Variants in LEKR1 observed in about 807,000 individuals in gnomAD.
LEKR1 encodes protein LEKR1.
LEKR1 carries 59 observed loss-of-function variants against 72.4 expected under a neutral mutation model. The observed-to-expected ratio is 0.82, with a 90% CI of 0.66 to 1.01. The LOEUF is 1.01. Ranked by LOEUF, LEKR1 falls within the 50% of genes least tolerant of loss-of-function variation. The pLI, the probability that LEKR1 is intolerant of heterozygous loss-of-function variation, is 0.00. For synonymous variants in LEKR1, 257 were observed against 263.2 expected (o/e 0.98, Z 0.23); for missense variants, 728 against 759.2 (o/e 0.96, Z 0.48).
chr3:156,902,339 A>G (rs1722118352), intron 3 of LEKR1, among the ~76,000 whole-genome samples: 1 of 152,198 alleles, frequency 6.6e-6, no homozygotes, highest in African/African-American at 2.4e-5. Context: ...CTCTTCTTTT[A>G]AAATGGGTTC....
intron 1 of LEKR1, among the ~76,000 whole-genome samples, chr3:156,828,016 T>C (rs1478862334): frequency 2.0e-5 from 3 of 152,244 alleles, no homozygotes; most frequent in African/African-American, 7.2e-5. Flanking sequence ...CACATGATTA[T>C]GACAATCTGC....
intron 9 of LEKR1, among the ~76,000 whole-genome samples, chr3:157,006,036 T>A (rs1732399936): frequency 6.6e-6 from 1 of 151,504 alleles, no homozygotes; most frequent in African/African-American, 2.4e-5. Context: ...TCTCGCTCTG[T>A]CGCCCAGGCC....
At chr3:157,024,683 T>TA (rs1480953273) in intron 10 of LEKR1, 77 bp from the exon 11 acceptor site, 4 of 1,040,080 alleles carry the variant, frequency 3.8e-6, no homozygotes, top group Middle Eastern at 5.0e-4. Flanking sequence ...TTTTAAAACT[T>TA]AGAGTTTGAA....
chr3:156,946,978 A>G (rs1046215756), intron 6 of LEKR1, among the ~76,000 whole-genome samples: 6 of 150,496 alleles, frequency 4.0e-5, no homozygotes, highest in East Asian at 1.9e-4. Context: ...CTCCTTTTTC[A>G]TGTCTGATTG....
At chr3:157,027,857 T>A (rs1423417350) in intron 11 of LEKR1, among the ~76,000 whole-genome samples, 1 of 152,146 alleles carries the variant, frequency 6.6e-6, no homozygotes, top group East Asian at 1.9e-4. Context: ...TGTAGCTTAA[T>A]ATAGTCACAG....
At chr3:157,015,910 G>C (rs538316006) in intron 10 of LEKR1, among the ~76,000 whole-genome samples, 1 of 152,230 alleles carries the variant, frequency 6.6e-6, no homozygotes, top group Non-Finnish European at 1.5e-5. Context: ...ATGAAAATTA[G>C]ATTATCTGAT....
chr3:156,871,274 A>G (rs1181241004), intron 3 of LEKR1, among the ~76,000 whole-genome samples: 1 of 152,124 alleles, frequency 6.6e-6, no homozygotes, highest in African/African-American at 2.4e-5. Context: ...TGTCCCTACA[A>G]AGGACATGAA....
rs754800388 is a variant in LEKR1, at chr3:157,024,873, C to A, written c.1317C>A (p.His439Gln). The change falls in exon 11 of 13, where the codon CAC becomes CAA. Residue 439 changes from histidine to glutamine, a missense_variant. Coordinates refer to ENST00000356539, the MANE Select transcript of LEKR1 (RefSeq NM_001004316.3). Reference protein sequence around the residue: ...KLQLDIEKEKHQDVIQKYKKE... With the variant: ...KLQLDIEKEKQQDVIQKYKKE... ...AACTTGATATTGAAAAAGAAAAACA[C>A]CAAGATGTAATCCAAAAGTATAAGA... is the stretch of plus-strand genomic sequence containing the variant. 6.2e-7 allele frequency: 1 copy of A among 1,607,464 alleles called. No individual in the cohort carries two copies. Among genetic ancestry groups the A allele is most frequent in the South Asian group, 1.1e-5 (1 of 90,532 alleles).
At chr3:156,853,798 T>G (rs1180849349) in intron 3 of LEKR1, among the ~76,000 whole-genome samples, 3 of 152,110 alleles carry the variant, frequency 2.0e-5, no homozygotes, top group African/African-American at 7.2e-5. Flanking sequence ...TATAGTTTAT[T>G]TAATTTCACA....
At chr3:156,868,777 T>C (rs1357710183) in intron 3 of LEKR1, among the ~76,000 whole-genome samples, 1 of 152,040 alleles carries the variant, frequency 6.6e-6, no homozygotes, top group Non-Finnish European at 1.5e-5. Context: ...TATCAAACAT[T>C]GAAACTTATA....
chr3:156,992,230 C>T lies in LEKR1; in HGVS notation c.828-423C>T, dbSNP rs55813138. On this transcript the variant is annotated intron_variant, in intron 7 of 12. Transcript: ENST00000356539. ...TGGTTCTATGGGCCAGAAAGACTGA[C>T]GATTTCTCTAAGAGTTTTAGTTCCC... Among the ~76,000 whole-genome samples the T allele has an allele frequency of 7.2e-5, 11 of 152,290 alleles. No individual in the cohort carries two copies. In the East Asian group the frequency reaches 1.5e-3, roughly 21 times the overall value.
At chr3:156,924,533 G>T (rs1428696742) in intron 4 of LEKR1, 51 of 675,614 alleles carry the variant, frequency 7.5e-5, no homozygotes, top group Non-Finnish European at 8.1e-6. Context: ...CTCTGTCTAA[G>T]CCGGTCAGAA....
intron 3 of LEKR1, among the ~76,000 whole-genome samples, chr3:156,905,885 T>C (rs544701156): frequency 1.8e-4 from 27 of 152,290 alleles, no homozygotes; most frequent in Admixed American, 8.5e-4. Flanking sequence ...TTGATTTCTT[T>C]GTTGCAGTTC....
intron 3 of LEKR1, among the ~76,000 whole-genome samples, chr3:156,887,401 C>T (rs182222643): frequency 2.6e-5 from 4 of 151,720 alleles, no homozygotes; most frequent in East Asian, 1.9e-4. Flanking sequence ...GAGTGTGGGG[C>T]GCACAAGAGC....
intron 2 of LEKR1, among the ~76,000 whole-genome samples, chr3:156,832,590 CAGATT>C (rs1712560091): frequency 6.6e-6 from 1 of 152,174 alleles, no homozygotes; most frequent in Non-Finnish European, 1.5e-5. Context: ...TAAGGAATCT[CAGATT>C]AGACCTTTTA....
intron 10 of LEKR1, among the ~76,000 whole-genome samples, chr3:157,014,333 G>C (rs1282244155): frequency 6.6e-6 from 1 of 152,006 alleles, no homozygotes; most frequent in Non-Finnish European, 1.5e-5. Flanking sequence ...GAAACCAGTA[G>C]TTAAACAAAC....
At chr3:156,879,676 G>A (rs1048970798) in intron 3 of LEKR1, among the ~76,000 whole-genome samples, 1 of 152,194 alleles carries the variant, frequency 6.6e-6, no homozygotes, top group African/African-American at 2.4e-5. Flanking sequence ...CACAGGCCTG[G>A]AGGCCTAGGA....
In LEKR1 at chr3:157,028,419, G is replaced by T; in HGVS notation, c.1668+17G>T. ...CAGGAAGAGGTAGGAAGCAGATAGT[G>T]GTAACTTTGCAATTAATCAAAGAGC... On this transcript the variant is annotated intron_variant, in intron 12 of 12. Coordinates refer to ENST00000356539, the MANE Select transcript of LEKR1 (RefSeq NM_001004316.3). 1.3e-6 allele frequency: 2 copies of T among 1,550,580 alleles called. No individual in the cohort carries two copies. Among genetic ancestry groups the T allele is most frequent in the South Asian group, 2.5e-5 (2 of 80,792 alleles).
chr3:156,865,129 A>G (rs1419349099), intron 3 of LEKR1, among the ~76,000 whole-genome samples: 2 of 151,758 alleles, frequency 1.3e-5, no homozygotes, highest in Non-Finnish European at 2.9e-5. Flanking sequence ...TCCTCTTTCT[A>G]CTTGTGTTCT....
Sources: allele counts gnomAD v4.1 joint callset (sites outside exome capture counted in the v4.1 genomes callset), GRCh38; gene constraint gnomAD v4.1.1; transcripts MANE v1.5; gene names NCBI Gene and HGNC (gene_info 2026-07-23, HGNC 2026-07-21).